LIMS1: variants seen among roughly 807,000 people sequenced by gnomAD.
LIMS1 encodes LIM zinc finger domain containing 1.
Under a neutral mutation model 44.1 loss-of-function variants are expected in LIMS1, and 18 were observed. That is an observed-to-expected ratio of 0.41 (90% CI 0.28 to 0.61). LIMS1 has a LOEUF of 0.61. Ranked by LOEUF, LIMS1 falls within the 20% of genes least tolerant of loss-of-function variation. The pLI, the probability that LIMS1 is intolerant of heterozygous loss-of-function variation, is 0.32. For synonymous variants in LIMS1, 93 were observed against 149.1 expected, an observed-to-expected ratio of 0.62 and a Z score of 2.74; for missense variants, 201 against 422.0, an observed-to-expected ratio of 0.48 and a Z score of 4.59.
At chr2:108,646,038 C>T (rs1048801592) in intron 1 of LIMS1, among the ~76,000 whole-genome samples, 2 of 152,126 alleles carry the variant, frequency 1.3e-5, no homozygotes, top group Admixed American at 6.5e-5. Context: ...GACTCCCACA[C>T]AATAATAGTG....
chr2:108,671,620 TG>T (rs1481122854), intron 3 of LIMS1, among the ~76,000 whole-genome samples: 2 of 152,250 alleles, frequency 1.3e-5, no homozygotes, highest in Non-Finnish European at 2.9e-5. Flanking sequence ...TTGAAGAAAC[TG>T]GGTAGAATGT....
chr2:108,576,313 C>T (rs1393861026), intron 1 of LIMS1, among the ~76,000 whole-genome samples: 2 of 152,130 alleles, frequency 1.3e-5, no homozygotes, highest in East Asian at 1.9e-4. Context: ...CTGTATTGCC[C>T]AGGCTGGTCT....
At position 108,668,412 on chromosome 2, in the gene LIMS1, C is replaced by G. The variant is rs531445941; in HGVS notation, c.193-2369C>G. On this transcript the variant is annotated intron_variant, in intron 2 of 9. Transcript: ENST00000544547. ...CCTCCAGCAACCTCTATTTTACTCT[C>G]TATTTCTATGAAATCAACCTCTTTA... Among the ~76,000 whole-genome samples the G allele has an allele frequency of 2.6e-5, 4 of 152,306 alleles. No individual in the cohort carries two copies. The East Asian group carries it at 7.7e-4, about 29-fold the overall frequency.
chr2:108,578,941 A>G (rs903455449), intron 1 of LIMS1, among the ~76,000 whole-genome samples: 1 of 152,170 alleles, frequency 6.6e-6, no homozygotes, highest in African/African-American at 2.4e-5. Flanking sequence ...AAAAATGATG[A>G]TGTAGGGATA....
intron 1 of LIMS1, among the ~76,000 whole-genome samples, chr2:108,635,329 A>G (rs890350617): frequency 2.0e-5 from 3 of 151,060 alleles, no homozygotes; most frequent in Non-Finnish European, 3.0e-5. Flanking sequence ...TCAGGGGGCC[A>G]AAGCAGGAGA....
At chr2:108,588,218 A>G (rs1443631800) in intron 1 of LIMS1, 3 of 395,694 alleles carry the variant, frequency 7.6e-6, no homozygotes, top group Non-Finnish European at 1.0e-5. Context: ...TTGCTTCAGA[A>G]CAGTGGGGTT....
At chr2:108,646,547 AC>A (rs1482456263) in intron 1 of LIMS1, among the ~76,000 whole-genome samples, 3 of 152,238 alleles carry the variant, frequency 2.0e-5, no homozygotes, top group Non-Finnish European at 4.4e-5. Context: ...TAAAATCGAC[AC>A]CCTAACATCA....
At chr2:108,545,319 C>G (rs879444715) in intron 1 of LIMS1, among the ~76,000 whole-genome samples, 1 of 152,082 alleles carries the variant, frequency 6.6e-6, no homozygotes, top group East Asian at 1.9e-4. Context: ...CTGCAACCTC[C>G]GCCTCCCGGG....
At chr2:108,620,555 T>C (rs1347773909) in intron 1 of LIMS1, among the ~76,000 whole-genome samples, 2 of 152,184 alleles carry the variant, frequency 1.3e-5, no homozygotes, top group African/African-American at 4.8e-5. Flanking sequence ...TTCCTAACAT[T>C]GTCACTTTCC....
intron 1 of LIMS1, chr2:108,607,377 G>C (rs1687330193): frequency 3.1e-6 from 3 of 954,330 alleles, no homozygotes; most frequent in Admixed American, 2.1e-5. Context: ...TGCACATATA[G>C]AAGTGATTTT....
intron 2 of LIMS1, among the ~76,000 whole-genome samples, chr2:108,665,457 T>C (rs978467518): frequency 6.6e-6 from 1 of 152,214 alleles, no homozygotes; most frequent in African/African-American, 2.4e-5. Flanking sequence ...GGCGGATGAC[T>C]GCATATGCTG....
At chr2:108,550,425 G>A (rs1222804390) in intron 1 of LIMS1, among the ~76,000 whole-genome samples, 1 of 151,884 alleles carries the variant, frequency 6.6e-6, no homozygotes, top group Non-Finnish European at 1.5e-5. Flanking sequence ...CGTGAACCTG[G>A]GAGGCGGAGC....
chr2:108,681,745 A>G (rs1182471767), intron 9 of LIMS1: 3 of 223,102 alleles, frequency 1.3e-5, no homozygotes, highest in African/African-American at 4.8e-5. Context: ...ACATGCCTAG[A>G]CCCCATCCGT....
In LIMS1 at chr2:108,587,139, T is replaced by TC. The variant is rs1558798179; in HGVS notation, c.32+52545_32+52546insC. Among the ~76,000 whole-genome samples the TC allele has an allele frequency of 2.6e-5, 4 of 152,122 alleles. No individual in the cohort carries two copies. In the East Asian group the frequency reaches 7.7e-4, roughly 29 times the overall value. On this transcript the variant is annotated intron_variant, in intron 1 of 9. Coordinates refer to ENST00000544547, the Ensembl canonical transcript of LIMS1. ...GCCTTTAGCTTGTCTTGGATGTGCT[T>TC]TTCCACTCTTTCAAGCACTAAACCC...
At chr2:108,593,396 G>T (rs1226444666) in intron 1 of LIMS1, among the ~76,000 whole-genome samples, 1 of 151,756 alleles carries the variant, frequency 6.6e-6, no homozygotes, top group African/African-American at 2.4e-5. Flanking sequence ...CCTTCTCACC[G>T]CCTGCCTTCT....
intron 1 of LIMS1, among the ~76,000 whole-genome samples, chr2:108,597,916 A>C (rs1011458870): frequency 2.0e-5 from 3 of 150,326 alleles, no homozygotes; most frequent in Non-Finnish European, 3.0e-5. Flanking sequence ...CTGGTCTTGA[A>C]CTCCTGACCT....
At chr2:108,598,786 C>T (rs1686852374) in intron 1 of LIMS1, among the ~76,000 whole-genome samples, 1 of 152,092 alleles carries the variant, frequency 6.6e-6, no homozygotes, top group African/African-American at 2.4e-5. Flanking sequence ...GGTATTCCTT[C>T]AGTAATTGTG....
intron 2 of LIMS1, among the ~76,000 whole-genome samples, chr2:108,664,533 G>A (rs2433814): frequency 1.3e-5 from 2 of 152,116 alleles, no homozygotes; most frequent in South Asian, 2.1e-4. Flanking sequence ...TATTGTATTC[G>A]TTGTTTAAAT....
Position 108,575,456 on chromosome 2 carries a change from T to C in LIMS1, c.32+40862T>C, listed in dbSNP as rs567168277. ...AGCCTAGCAGGTGCTGTTACTTCTT[T>C]GTTTAAAGCGTGTTAGCCATCCAGA... On this transcript the variant is annotated intron_variant, in intron 1 of 9. Transcript: ENST00000544547. Among the ~76,000 whole-genome samples the C allele has an allele frequency of 6.6e-5, 10 of 152,334 alleles. No individual in the cohort carries two copies. In the East Asian group the frequency reaches 1.2e-3, roughly 18 times the overall value.
Sources: allele counts gnomAD v4.1 joint callset (sites outside exome capture counted in the v4.1 genomes callset), GRCh38; gene constraint gnomAD v4.1.1; transcripts MANE v1.5; gene names NCBI Gene and HGNC (gene_info 2026-07-23, HGNC 2026-07-21).